The following ADCY7 variants were observed in gnomAD, a reference collection of about 807,000 sequenced individuals.
ADCY7 encodes the protein adenylate cyclase 7.
Under a neutral mutation model 120.6 loss-of-function variants are expected in ADCY7, and 72 were observed. The observed-to-expected ratio is 0.60, with a 90% confidence interval of 0.49 to 0.73. The LOEUF (loss-of-function observed/expected upper bound fraction) is 0.73, where lower values mean the gene tolerates loss of function less well. Ranked by LOEUF, ADCY7 falls within the 30% of genes least tolerant of loss-of-function variation. The pLI is 0.00. For synonymous variants in ADCY7, 661 were observed against 628.0 expected (o/e 1.05, Z -0.78); for missense variants, 1,227 against 1,486.0 (o/e 0.83, Z 2.87).
intron 4 of ADCY7, 131 bp downstream of exon 4, chr16:50,292,028 C>T (rs904879047): frequency 2.0e-5 from 21 of 1,051,260 alleles, no homozygotes; most frequent in South Asian, 9.9e-5. Context: ...GCTCCAAGGC[C>T]GGGCCCTCTC....
Position 50,255,122 on chromosome 16 carries a change from C to CAAA in ADCY7, c.-64+8935_-64+8937dup, listed in dbSNP as rs34287607. Among the ~76,000 whole-genome samples, 153 of 103,360 alleles carry CAAA rather than the reference C, an allele frequency of 1.5e-3. 4 individuals carry two copies. The highest frequency in any genetic ancestry group is 5.9e-3 in the African/African-American group (145 of 24,720). The allele number at this position is 103,360 out of a possible 152,430, so 67.8% of individuals were successfully genotyped here. A position where few individuals can be genotyped will look rare whatever the true frequency, so the allele number is the denominator to read the frequency against. ...GCAACATAGCAAGACCTTGTCTCTA[C>CAAA]AAAAAAAAAAAAAAAAAATTAAAAA... is the stretch of plus-strand genomic sequence containing the variant. On this transcript the variant is annotated intron_variant, in intron 1 of 4. Transcript: ENST00000564044.
At chr16:50,303,850 T>C (rs2035889033) in intron 10 of ADCY7, among the ~76,000 whole-genome samples, 1 of 152,146 alleles carries the variant, frequency 6.6e-6, no homozygotes. Flanking sequence ...CTCTTCCTCC[T>C]GGCTGCTTCT....
intron 2 of ADCY7, among the ~76,000 whole-genome samples, chr16:50,288,840 T>G (rs899447818): frequency 5.9e-5 from 9 of 152,074 alleles, no homozygotes; most frequent in Admixed American, 1.3e-4. Flanking sequence ...TTAAAAAAAT[T>G]TTTTTTGAGA....
chr16:50,312,618 A>G (rs2036550347), intron 21 of ADCY7, among the ~76,000 whole-genome samples: 1 of 152,146 alleles, frequency 6.6e-6, no homozygotes, highest in East Asian at 1.9e-4. Context: ...GTTACCCTCC[A>G]CTACTGCAGA....
rs1378283451 is a variant in ADCY7 at position 50,293,492 on chromosome 16, C to G, written c.826C>G (p.Gln276Glu). ...NFHSLYVKRH[Q>E]NVSILYADIV... ...CCACAGCCTCTACGTCAAGAGGCAC[C>G]AGAATGTCAGGTGGGCGGTGAGACG... Residue 276 changes from glutamine (Q) to glutamate (E), a missense_variant, in exon 6 of 26, where the codon CAG (glutamine) becomes GAG (glutamate). Around this residue, in one of 5 missense-constraint regions of ADCY7, gnomAD observed 382 missense variants for 411.4 expected, o/e 0.93. Coordinates refer to ENST00000673801, the MANE Select transcript of ADCY7 (RefSeq NM_001114.5). 6.2e-7 allele frequency: 1 copy of G among 1,613,824 alleles called. No individual in the cohort carries two copies. Among genetic ancestry groups the G allele is most frequent in the African/African-American group, 1.3e-5 (1 of 74,942 alleles).
chr16:50,313,684 C>T, intron 22 of ADCY7: 1 of 406,026 alleles, frequency 2.5e-6, no homozygotes, highest in Admixed American at 4.0e-5. Flanking sequence ...ATCTACATTC[C>T]TGTGTAGATA....
In ADCY7 at chr16:50,314,070, A is replaced by C. The variant is rs1261074298; in HGVS notation, c.2856+8A>C. 1 of 1,612,404 alleles carries C rather than the reference A, an allele frequency of 6.2e-7. No homozygotes were observed. The highest frequency in any genetic ancestry group is 8.5e-7 in the Non-Finnish European group (1 of 1,178,572). ...TCAGGGCACGAGAACCAGGTACTCA[A>C]GCCCAAGAGGTGAAATTCAGCTGAC... On this transcript the variant is annotated splice_region_variant and intron_variant, in intron 23 of 25. Coordinates refer to ENST00000673801, the MANE Select transcript of ADCY7 (RefSeq NM_001114.5).
Position 50,292,692 on chromosome 16 carries a change from T to C in ADCY7, c.554T>C (p.Val185Ala). 1.9e-6 allele frequency: 3 copies of C among 1,613,812 alleles called. No homozygotes were observed. Among genetic ancestry groups the C allele is most frequent in the Non-Finnish European group, 2.5e-6 (3 of 1,179,924 alleles). Residue 185 changes from valine to alanine, a missense_variant, in exon 5 of 26, where the codon GTC becomes GCC. By Grantham distance (64) the Val-to-Ala change is moderately conservative. Transcript: ENST00000673801. ...TACCCGCAGCTGCTGGCCAACGCAG[T>C]CATCTTCCTGTGTGGGAACCTGACA... ...RVGLQLLANAVIFLCGNLTGA... is the reference protein window; with the variant it reads ...RVGLQLLANAAIFLCGNLTGA...
Position 50,293,408 on chromosome 16 carries a change from G to A in ADCY7, c.742G>A (p.Ala248Thr). 9 of 1,614,030 alleles carry A rather than the reference G, an allele frequency of 5.6e-6. No individual in the cohort carries two copies. Among genetic ancestry groups the A allele is most frequent in the Non-Finnish European group, 7.6e-6 (9 of 1,180,004 alleles). ...PAHISMGMKL[A>T]IIERLKEHGD... ...CCACATCTCCATGGGCATGAAGCTGGCCATCATCGAACGGCTCAAGGAGCA... is the reference window on the plus strand; with the variant it reads ...CCACATCTCCATGGGCATGAAGCTGACCATCATCGAACGGCTCAAGGAGCA... The change falls in exon 6 of 26, where the codon GCC becomes ACC. Residue 248 changes from alanine to threonine, a missense_variant. Ala to Thr is a moderately conservative substitution (Grantham distance 58). Around this residue, in one of 5 missense-constraint regions of ADCY7, gnomAD observed 382 missense variants for 411.4 expected, o/e 0.93. Coordinates refer to ENST00000673801, the MANE Select transcript of ADCY7 (RefSeq NM_001114.5).
At chr16:50,277,205 G>A (rs775339678) in intron 1 of ADCY7, among the ~76,000 whole-genome samples, 1 of 152,082 alleles carries the variant, frequency 6.6e-6, no homozygotes, top group Admixed American at 6.6e-5. Flanking sequence ...TCACCAGTTC[G>A]TGACTGATAG....
chr16:50,308,924 T>G lies in ADCY7; in HGVS notation c.2061+132T>G, dbSNP rs961818350. 16 of 1,227,672 alleles carry G rather than the reference T, an allele frequency of 1.3e-5. No individual in the cohort carries two copies. In the African/African-American group the frequency reaches 2.1e-4, roughly 16 times the overall value. 76.0% of individuals were successfully genotyped at this position (1,227,672 alleles called of 1,614,324 possible). On this transcript the variant is annotated intron_variant, in intron 17 of 25. Coordinates refer to ENST00000673801, the MANE Select transcript of ADCY7 (RefSeq NM_001114.5). ...GAGCTCAGCAGGTGGATGTGGGGGG[T>G]TCCCCTTTGTACACTCAGGGCTCCT...
intron 5 of ADCY7, 145 bp from the exon 6 acceptor site, chr16:50,293,209 G>T: frequency 1.1e-6 from 1 of 887,584 alleles, no homozygotes; most frequent in Non-Finnish European, 1.7e-6. Context: ...CAGAGATGGG[G>T]ACATTGTGGG....
intron 15 of ADCY7, 127 bp downstream of exon 15, chr16:50,307,274 AC>A: frequency 1.3e-6 from 1 of 795,430 alleles, no homozygotes; most frequent in Non-Finnish European, 2.0e-6. Flanking sequence ...TAGCAACTGG[AC>A]CAGGGGCTGT....
chr16:50,270,176 C>CAGATAGAT (rs35858506), intron 1 of ADCY7, among the ~76,000 whole-genome samples: 28,470 of 141,076 alleles, frequency 0.2, 3,030 homozygotes, highest in Middle Eastern at 0.27. Context: ...GACCCTGTCT[C>CAGATAGAT]AGATAGATAG....
intron 10 of ADCY7, 54 bp downstream of exon 10, chr16:50,301,268 C>T: frequency 6.5e-7 from 1 of 1,533,714 alleles, no homozygotes. Context: ...CTGGAGGGGC[C>T]CTGGAGAGCC....
chr16:50,311,594 T>C lies in ADCY7; in HGVS notation c.2355-99T>C. ...TCTACCCACCCCATTAGAATCAATT[T>C]TCCCCTTTCCCCTGGGTGTGCGTGG... On this transcript the variant is annotated intron_variant, in intron 19 of 25. Transcript: ENST00000673801. 4 of 843,350 alleles carry C rather than the reference T, an allele frequency of 4.7e-6. No individual in the cohort carries two copies. The South Asian group carries it at 5.7e-5, about 12-fold the overall frequency. 52.2% of individuals were successfully genotyped at this position (843,350 alleles called of 1,614,324 possible).
At chr16:50,260,691 A>T (rs2033034987) in intron 1 of ADCY7, among the ~76,000 whole-genome samples, 2 of 152,146 alleles carry the variant, frequency 1.3e-5, no homozygotes, top group Non-Finnish European at 2.9e-5. Context: ...CTGGGGCTGG[A>T]GGGTCTGCCT....
At chr16:50,303,693 A>G (rs2035879536) in intron 10 of ADCY7, among the ~76,000 whole-genome samples, 6 of 152,298 alleles carry the variant, frequency 3.9e-5, no homozygotes, top group Admixed American at 3.9e-4. Context: ...CTGAGTGTCC[A>G]GCATGAGGCT....
At chr16:50,281,944 G>A (rs1303969124) in intron 1 of ADCY7, among the ~76,000 whole-genome samples, 1 of 152,232 alleles carries the variant, frequency 6.6e-6, no homozygotes. Flanking sequence ...GGAGCCGAGA[G>A]CCGGCAGGAC....
Sources: gnomAD v4.1 joint callset for allele counts (sites outside exome capture counted in the v4.1 genomes callset) on GRCh38, gnomAD v4.1.1 for gene constraint, gnomAD v4.1.1 regional missense constraint, MANE v1.5 for transcripts, NCBI Gene and HGNC (gene_info 2026-07-23, HGNC 2026-07-21) for gene names.